The following MAF variants were observed in gnomAD, a reference collection of about 807,000 sequenced individuals.
The protein encoded by MAF is transcription factor Maf.
Under a neutral mutation model 22.0 loss-of-function variants are expected in MAF, and 10 were observed. The observed-to-expected ratio is 0.45, with a 90% CI of 0.28 to 0.77. MAF has a LOEUF of 0.77. Ranked by LOEUF, MAF falls within the 30% of genes least tolerant of loss-of-function variation. MAF has a pLI of 0.12. For missense variants in MAF, 544 were observed against 548.4 expected, an observed-to-expected ratio of 0.99 and a Z score of 0.08; for synonymous variants, 337 against 255.8, an observed-to-expected ratio of 1.32 and a Z score of -3.03.
the MAF span, among the ~76,000 whole-genome samples, chr16:79,497,567 C>A: frequency 2.0e-5 from 3 of 152,176 alleles, no homozygotes; most frequent in Non-Finnish European, 4.4e-5. Context: ...GAAGGGATGC[C>A]TTTATCTAAT....
At chr16:79,445,767 T>C in the MAF span, among the ~76,000 whole-genome samples, 1 of 152,260 alleles carries the variant, frequency 6.6e-6, no homozygotes, top group Non-Finnish European at 1.5e-5. Flanking sequence ...TTCTGAAATA[T>C]TCCAATTCCC....
At chr16:79,469,431 A>G in the MAF span, among the ~76,000 whole-genome samples, 2 of 152,300 alleles carry the variant, frequency 1.3e-5, no homozygotes, top group African/African-American at 4.8e-5. Context: ...GCTTTAAGCA[A>G]GTAGTTACCT....
the MAF span, among the ~76,000 whole-genome samples, chr16:79,230,144 T>G: frequency 6.6e-6 from 1 of 152,146 alleles, no homozygotes; most frequent in African/African-American, 2.4e-5. Context: ...AAGCCCTATC[T>G]TTGAGAAACA....
the MAF span, among the ~76,000 whole-genome samples, chr16:79,532,478 A>G: frequency 7.9e-5 from 12 of 152,238 alleles, no homozygotes; most frequent in African/African-American, 2.4e-4. Context: ...CAATCATTCA[A>G]TCTGATAGGT....
At chr16:79,305,528 G>A in the MAF span, among the ~76,000 whole-genome samples, 1 of 152,180 alleles carries the variant, frequency 6.6e-6, no homozygotes, top group African/African-American at 2.4e-5. Context: ...GGTCTGCAAG[G>A]TGGATGGGAA....
chr16:79,243,082 C>A, the MAF span, among the ~76,000 whole-genome samples: 2 of 151,922 alleles, frequency 1.3e-5, no homozygotes, highest in Admixed American at 1.3e-4. Context: ...ACCAGCTAGT[C>A]CACAAGAGAA....
chr16:79,538,471 A>G, the MAF span, among the ~76,000 whole-genome samples: 1 of 152,234 alleles, frequency 6.6e-6, no homozygotes, highest in African/African-American at 2.4e-5. Context: ...GTATGGGGGA[A>G]GAATTAACTG....
chr16:79,438,904 G>T, the MAF span, among the ~76,000 whole-genome samples: 5 of 152,312 alleles, frequency 3.3e-5, no homozygotes, highest in South Asian at 1.0e-3. Context: ...ACCGTCCAGG[G>T]AGGTAGGTAG....
the MAF span, among the ~76,000 whole-genome samples, chr16:79,238,068 C>T: frequency 7.2e-5 from 11 of 152,208 alleles, no homozygotes; most frequent in South Asian, 2.1e-4. Flanking sequence ...CCCAGGCATG[C>T]GGTTCTTTTT....
At chr16:79,396,884 T>A in the MAF span, among the ~76,000 whole-genome samples, 1 of 152,198 alleles carries the variant, frequency 6.6e-6, no homozygotes, top group African/African-American at 2.4e-5. Flanking sequence ...TTGTAAGCAC[T>A]CCAGAATATC....
the MAF span, among the ~76,000 whole-genome samples, chr16:79,363,200 G>C: frequency 9.2e-5 from 14 of 152,098 alleles, no homozygotes; most frequent in African/African-American, 3.4e-4. Flanking sequence ...ACAAGGGTAG[G>C]GGGGTGGGGA....
At chr16:79,401,711 G>A in the MAF span, among the ~76,000 whole-genome samples, 1 of 152,124 alleles carries the variant, frequency 6.6e-6, no homozygotes, top group African/African-American at 2.4e-5. Flanking sequence ...CGGGCCGTGT[G>A]GTACGCAGAA....
the MAF span, among the ~76,000 whole-genome samples, chr16:79,255,181 G>A: frequency 6.6e-6 from 1 of 152,298 alleles, no homozygotes; most frequent in East Asian, 1.9e-4. Flanking sequence ...ATGCACCCTA[G>A]CTGACACACA....
chr16:79,481,905 A>G, the MAF span, among the ~76,000 whole-genome samples: 1 of 152,198 alleles, frequency 6.6e-6, no homozygotes, highest in Non-Finnish European at 1.5e-5. Context: ...AAAGGCCACC[A>G]TCGAAGCAGG....
At chr16:79,447,252 A>C in the MAF span, among the ~76,000 whole-genome samples, 1 of 152,072 alleles carries the variant, frequency 6.6e-6, no homozygotes, top group East Asian at 1.9e-4. Flanking sequence ...TAAGTGGAGA[A>C]ACAATGTCTG....
the MAF span, among the ~76,000 whole-genome samples, chr16:79,536,600 C>T: frequency 6.6e-6 from 1 of 152,142 alleles, no homozygotes; most frequent in South Asian, 2.1e-4. Context: ...CCAGATCACA[C>T]CATTGCACTC....
At chr16:79,205,052 T>A in the MAF span, 1 of 152,194 alleles carries the variant, frequency 6.6e-6, no homozygotes, top group Non-Finnish European at 1.5e-5. Flanking sequence ...GGCATCATAT[T>A]TGGGATGGCT....
At chr16:79,526,640 C>G in the MAF span, among the ~76,000 whole-genome samples, 79,552 of 151,872 alleles carry the variant, frequency 0.52, 22,188 homozygotes, top group Non-Finnish European at 0.63. Flanking sequence ...ACAGGCTTTC[C>G]GGGGCAAAAA....
At chr16:79,463,286 A>T in the MAF span, among the ~76,000 whole-genome samples, 2 of 152,224 alleles carry the variant, frequency 1.3e-5, no homozygotes, top group East Asian at 3.9e-4. Context: ...ACACCATGGT[A>T]GGTACTGGAT....
Sources: gnomAD v4.1 joint callset for allele counts (sites outside exome capture counted in the v4.1 genomes callset) on GRCh38, gnomAD v4.1.1 for gene constraint, MANE v1.5 for transcripts, NCBI Gene and HGNC (gene_info 2026-07-23, HGNC 2026-07-21) for gene names.